Variants in OCA2 observed in about 807,000 individuals in gnomAD.
OCA2 encodes P protein.
Under a neutral mutation model 100.2 loss-of-function variants are expected in OCA2, and 77 were observed. That is an observed-to-expected ratio of 0.77 (90% CI 0.64 to 0.93). The LOEUF (loss-of-function observed/expected upper bound fraction) is 0.93, where lower values mean the gene tolerates loss of function less well. Among genes scored for constraint, OCA2 ranks in the 40% least tolerant of loss-of-function variants. The pLI is 0.00. For synonymous variants in OCA2, 432 were observed against 439.2 expected, an observed-to-expected ratio of 0.98 and a Z score of 0.21; for missense variants, 1,062 against 1,089.1, an observed-to-expected ratio of 0.98 and a Z score of 0.35.
intron 1 of OCA2, among the ~76,000 whole-genome samples, chr15:28,097,964 T>C (rs1347608797): frequency 6.6e-6 from 1 of 152,196 alleles, no homozygotes; most frequent in Non-Finnish European, 1.5e-5. Context: ...CACTCCAGCA[T>C]AGAAACGGGG....
At chr15:27,950,039 G>A (rs1174686021) in intron 18 of OCA2, among the ~76,000 whole-genome samples, 4 of 152,136 alleles carry the variant, frequency 2.6e-5, no homozygotes, top group East Asian at 3.8e-4. Flanking sequence ...TAAAAAAAAC[G>A]TAGACTTGCA....
chr15:27,984,445 T>C (rs2140973151), intron 13 of OCA2, among the ~76,000 whole-genome samples: 1 of 152,308 alleles, frequency 6.6e-6, no homozygotes, highest in African/African-American at 2.4e-5. Context: ...GGACCCGGCC[T>C]TGGGTCTCAC....
chr15:27,827,477 C>T (rs1233184624), intron 23 of OCA2, among the ~76,000 whole-genome samples: 1 of 151,912 alleles, frequency 6.6e-6, no homozygotes, highest in Non-Finnish European at 1.5e-5. Flanking sequence ...GCAATTAGCA[C>T]ACCAGCCAAA....
chr15:27,938,461 A>G (rs1259225736), intron 18 of OCA2, among the ~76,000 whole-genome samples: 1 of 152,174 alleles, frequency 6.6e-6, no homozygotes, highest in African/African-American at 2.4e-5. Context: ...AAGTGTTTCA[A>G]TGTATGCATT....
Position 27,957,521 on chromosome 15 carries a change from ATT to A in OCA2, c.1784+65_1784+66del, listed in dbSNP as rs2040263666. 1.3e-6 allele frequency: 2 copies of A among 1,577,652 alleles called. No homozygotes were observed. The highest frequency in any genetic ancestry group is 2.7e-5 in the African/African-American group (2 of 74,176). On this transcript the variant is annotated intron_variant, in intron 16 of 23. Transcript: ENST00000354638. This position sits in a 1 kb window ranked among gnomAD's most constrained non-coding sequence, Gnocchi z 4.3. ...GTATTAGTATACAGCTAATGTCGCT[ATT>A]TTGTAGGCCCATGGAATGTTCTGCT...
At chr15:28,027,296 G>A (rs527482004) in intron 4 of OCA2, among the ~76,000 whole-genome samples, 85 of 151,872 alleles carry the variant, frequency 5.6e-4, no homozygotes, top group Middle Eastern at 6.8e-3. Context: ...CATTGCTCCC[G>A]TAGGCATGTG....
downstream of OCA2, among the ~76,000 whole-genome samples, chr15:27,753,333 G>A (rs565449448): frequency 1.3e-5 from 2 of 151,780 alleles, no homozygotes; most frequent in Admixed American, 1.3e-4. Flanking sequence ...GGAGAAGGGG[G>A]TGGGGGCAGA....
At chr15:27,729,289 A>ATTTTTTTTTTTTTTTTTT in the OCA2 span, among the ~76,000 whole-genome samples, 2 of 111,218 alleles carry the variant, frequency 1.8e-5, no homozygotes, top group South Asian at 3.3e-4. Flanking sequence ...ATTATCATCT[A>ATTTTTTTTTTTTTTTTTT]TTTTTTTTTT....
At chr15:27,891,489 T>C (rs555519204) in intron 19 of OCA2, among the ~76,000 whole-genome samples, 5 of 152,208 alleles carry the variant, frequency 3.3e-5, no homozygotes, top group Admixed American at 2.0e-4. Context: ...CCAAACTCCA[T>C]AGATGTTCAG....
At chr15:27,873,787 A>C (rs951678280) in intron 19 of OCA2, among the ~76,000 whole-genome samples, 2 of 152,248 alleles carry the variant, frequency 1.3e-5, no homozygotes, top group Non-Finnish European at 2.9e-5. Context: ...ATTTAAAAAA[A>C]ATCAAAATAT....
At chr15:27,721,727 T>C in the OCA2 span, among the ~76,000 whole-genome samples, 1 of 152,332 alleles carries the variant, frequency 6.6e-6, no homozygotes, top group African/African-American at 2.4e-5. Context: ...TCTTTTGTAA[T>C]TTACACAGAT....
At chr15:27,967,552 AT>A (rs945516645) in intron 14 of OCA2, among the ~76,000 whole-genome samples, 2 of 152,234 alleles carry the variant, frequency 1.3e-5, no homozygotes, top group African/African-American at 4.8e-5. Flanking sequence ...GGTAAGTTGA[AT>A]TTTTAAACAC....
chr15:27,729,089 C>T, the OCA2 span, among the ~76,000 whole-genome samples: 1 of 152,164 alleles, frequency 6.6e-6, no homozygotes, highest in Non-Finnish European at 1.5e-5. Context: ...AAGCTTTCTG[C>T]TATTGGCCCC....
chr15:27,795,117 C>T (rs751956348), intron 23 of OCA2, among the ~76,000 whole-genome samples: 1 of 152,176 alleles, frequency 6.6e-6, no homozygotes, highest in Non-Finnish European at 1.5e-5. Context: ...TGCTACAAGA[C>T]TCTGTCACCT....
At chr15:27,796,954 G>A (rs1474292400) in intron 23 of OCA2, among the ~76,000 whole-genome samples, 1 of 152,132 alleles carries the variant, frequency 6.6e-6, no homozygotes, top group Non-Finnish European at 1.5e-5. Flanking sequence ...CAGATGGAGA[G>A]GATTCTCCCA....
At chr15:28,058,534 C>T (rs986521966) in intron 2 of OCA2, among the ~76,000 whole-genome samples, 5 of 149,900 alleles carry the variant, frequency 3.3e-5, no homozygotes, top group Admixed American at 3.3e-4. Flanking sequence ...CCCTCCACTG[C>T]TCATTTTCTG....
chr15:27,857,545 T>C (rs2035988492), intron 21 of OCA2, among the ~76,000 whole-genome samples: 1 of 152,172 alleles, frequency 6.6e-6, no homozygotes, highest in South Asian at 2.1e-4. Flanking sequence ...TTAAAAATGA[T>C]TAAGATGGTG....
intron 23 of OCA2, among the ~76,000 whole-genome samples, chr15:27,805,552 GA>G (rs2033802569): frequency 6.6e-6 from 1 of 152,204 alleles, no homozygotes; most frequent in Non-Finnish European, 1.5e-5. Flanking sequence ...GCTCGCCCAG[GA>G]TGTGGCAGCT....
intron 1 of OCA2, 75 bp downstream of exon 1, chr15:28,099,149 A>AC (rs1420764726): frequency 6.5e-6 from 1 of 153,400 alleles, no homozygotes; most frequent in Non-Finnish European, 1.5e-5. Flanking sequence ...GGCTGTGTAA[A>AC]CCCTCCCTGC....
Sources: gnomAD v4.1 joint callset for allele counts (sites outside exome capture counted in the v4.1 genomes callset) on GRCh38, gnomAD v4.1.1 for gene constraint, Gnocchi (gnomAD v3.1) non-coding constraint, MANE v1.5 for transcripts, NCBI Gene and HGNC (gene_info 2026-07-23, HGNC 2026-07-21) for gene names.